Variants in GRIK1 observed in about 807,000 individuals in gnomAD.
GRIK1 encodes glutamate ionotropic receptor kainate type subunit 1.
A neutral mutation model predicts 105.7 loss-of-function variants in GRIK1; 69 were observed. That is an observed-to-expected ratio of 0.65 (90% confidence interval 0.54 to 0.80). The LOEUF (loss-of-function observed/expected upper bound fraction) is 0.80, where lower values mean the gene tolerates loss of function less well. Among genes scored for constraint, GRIK1 ranks in the 30% least tolerant of loss-of-function variants. The pLI, the probability that GRIK1 is intolerant of heterozygous loss-of-function variation, is 0.00. For missense variants in GRIK1, 1,109 were observed against 1,167.3 expected (o/e 0.95, Z 0.73); for synonymous variants, 438 against 431.3 (o/e 1.02, Z -0.19).
chr21:29,923,021 T>C (rs1350353922), intron 1 of GRIK1, among the ~76,000 whole-genome samples: 1 of 152,180 alleles, frequency 6.6e-6, no homozygotes, highest in Non-Finnish European at 1.5e-5. Context: ...TTTACACAAT[T>C]CTATGCCATT....
intron 1 of GRIK1, 88 bp downstream of exon 1, chr21:29,939,295 G>A (rs1287417033): frequency 2.1e-5 from 16 of 768,824 alleles, no homozygotes; most frequent in Non-Finnish European, 3.3e-5. Flanking sequence ...CTGCGCCGCC[G>A]CGCGCTGCCT....
intron 6 of GRIK1, among the ~76,000 whole-genome samples, chr21:29,648,858 G>A (rs1172220293): frequency 6.6e-6 from 1 of 152,180 alleles, no homozygotes; most frequent in Non-Finnish European, 1.5e-5. Context: ...CAGGGGGACA[G>A]CAAGTGCTTG....
rs961480098 is a variant in GRIK1, at chr21:29,909,289, A to G, written c.118+30094T>C. 3.3e-5 allele frequency among the ~76,000 whole-genome samples: 5 copies of G among 151,940 alleles called. No homozygotes were observed. In the South Asian group the frequency reaches 6.2e-4, roughly 19 times the overall value. Reference sequence around the variant, plus strand: ...AGAAAATCATTTTACTGGCTGCTTCATCTCATTTTTCTTTATGGCCCTATA... The same window carrying G: ...AGAAAATCATTTTACTGGCTGCTTCGTCTCATTTTTCTTTATGGCCCTATA... On this transcript the variant is annotated intron_variant, in intron 1 of 17. Transcript: ENST00000327783.
intron 7 of GRIK1, among the ~76,000 whole-genome samples, chr21:29,617,451 G>C (rs1395322616): frequency 6.6e-6 from 1 of 152,076 alleles, no homozygotes; most frequent in Non-Finnish European, 1.5e-5. Flanking sequence ...GTGTGTAGTG[G>C]GAGCTCAACA....
intron 13 of GRIK1, among the ~76,000 whole-genome samples, chr21:29,577,596 A>G (rs933458663): frequency 1.3e-5 from 2 of 152,250 alleles, no homozygotes; most frequent in African/African-American, 4.8e-5. Flanking sequence ...TTTTTATTTA[A>G]GGTTAAAGAA....
chr21:29,581,520 T>C lies in GRIK1; in HGVS notation c.1817A>G (p.Asn606Ser). 1 of 1,604,618 alleles carries C rather than the reference T, an allele frequency of 6.2e-7. No individual in the cohort carries two copies. Among genetic ancestry groups the C allele is most frequent in the Non-Finnish European group, 8.5e-7 (1 of 1,171,518 alleles). Residue 606 changes from asparagine (N) to serine (S), a missense_variant, in exon 13 of 18, where the codon AAC becomes AGC. Physicochemically the swap from Asn to Ser is conservative, Grantham distance 46 (BLOSUM62 1). This residue lies in a region of GRIK1 where 264 missense variants were observed against 306.9 expected (regional missense o/e 0.86). Transcript: ENST00000327783. The part of the protein sequence containing the change: ...IARFTPYEWY[N>S]PHPCNPDSDV... Reference sequence around the variant, plus strand: ...TGAGTCAGGGTTGCATGGGTGGGGGTTATACCACTCGTAGGGTGTAAACCT... The same window carrying C: ...TGAGTCAGGGTTGCATGGGTGGGGGCTATACCACTCGTAGGGTGTAAACCT...
At chr21:29,853,066 A>G (rs1396576944) in intron 1 of GRIK1, among the ~76,000 whole-genome samples, 1 of 152,190 alleles carries the variant, frequency 6.6e-6, no homozygotes, top group East Asian at 1.9e-4. Flanking sequence ...CTTTTATATA[A>G]AAGGAATTGT....
intron 1 of GRIK1, among the ~76,000 whole-genome samples, chr21:29,817,843 G>A (rs994789057): frequency 6.6e-6 from 1 of 152,078 alleles, no homozygotes; most frequent in Non-Finnish European, 1.5e-5. Context: ...AACCTGTTAT[G>A]TGCCCAATAT....
chr21:29,863,524 A>C (rs1250500765), intron 1 of GRIK1, among the ~76,000 whole-genome samples: 1 of 152,188 alleles, frequency 6.6e-6, no homozygotes, highest in African/African-American at 2.4e-5. Flanking sequence ...TGGCATTTAG[A>C]CACTTTAAAA....
intron 16 of GRIK1, among the ~76,000 whole-genome samples, chr21:29,543,864 C>T (rs963799166): frequency 6.6e-6 from 1 of 152,192 alleles, no homozygotes; most frequent in Non-Finnish European, 1.5e-5. Context: ...TAAACTGGCT[C>T]CCCATGGGAA....
intron 4 of GRIK1, among the ~76,000 whole-genome samples, chr21:29,668,324 A>G (rs541303459): frequency 6.6e-6 from 1 of 152,210 alleles, no homozygotes; most frequent in Non-Finnish European, 1.5e-5. Context: ...GATATAGAGA[A>G]TGAGAAGGGA....
intron 1 of GRIK1, among the ~76,000 whole-genome samples, chr21:29,728,569 T>C (rs1165948168): frequency 6.6e-6 from 1 of 152,196 alleles, no homozygotes; most frequent in Middle Eastern, 3.2e-3. Flanking sequence ...AATCATTACA[T>C]CACAGTGTGG....
chr21:29,823,271 T>C (rs560078875), intron 1 of GRIK1, among the ~76,000 whole-genome samples: 109 of 152,084 alleles, frequency 7.2e-4, no homozygotes, highest in African/African-American at 2.5e-3. Flanking sequence ...TATATACATA[T>C]AGAAGGACAG....
chr21:29,598,560 G>T (rs1347302525), intron 8 of GRIK1, among the ~76,000 whole-genome samples: 1 of 152,096 alleles, frequency 6.6e-6, no homozygotes, highest in East Asian at 1.9e-4. Flanking sequence ...CAACTCTAGG[G>T]TTATATATGT....
chr21:29,570,501 C>CA (rs34538814), intron 14 of GRIK1, among the ~76,000 whole-genome samples: 3,459 of 126,172 alleles, frequency 0.027, 105 homozygotes, highest in African/African-American at 0.087. Flanking sequence ...GACTCCATCT[C>CA]AAAAAAAAAA....
intron 1 of GRIK1, among the ~76,000 whole-genome samples, chr21:29,902,530 A>G (rs1386668870): frequency 6.6e-6 from 1 of 152,176 alleles, no homozygotes; most frequent in Non-Finnish European, 1.5e-5. Flanking sequence ...TCATGAGTGA[A>G]CTCTCATTCA....
At chr21:29,588,358 T>C (rs569240812) in intron 11 of GRIK1, among the ~76,000 whole-genome samples, 1 of 152,274 alleles carries the variant, frequency 6.6e-6, no homozygotes, top group East Asian at 1.9e-4. Context: ...ATAATCCCCA[T>C]GTGTCAAGGG....
At chr21:29,767,442 G>T (rs890742518) in intron 1 of GRIK1, among the ~76,000 whole-genome samples, 1 of 151,422 alleles carries the variant, frequency 6.6e-6, no homozygotes, top group Non-Finnish European at 1.5e-5. Flanking sequence ...ACAATTAAGA[G>T]AATACAACCT....
intron 1 of GRIK1, among the ~76,000 whole-genome samples, chr21:29,900,535 A>C (rs1242701265): frequency 6.6e-6 from 1 of 152,078 alleles, no homozygotes; most frequent in Non-Finnish European, 1.5e-5. Context: ...ACAAAGATCA[A>C]AAGAGACAAG....
Sources: gnomAD v4.1 joint callset for allele counts (sites outside exome capture counted in the v4.1 genomes callset) on GRCh38, gnomAD v4.1.1 for gene constraint, gnomAD v4.1.1 regional missense constraint, MANE v1.5 for transcripts, NCBI Gene and HGNC (gene_info 2026-07-23, HGNC 2026-07-21) for gene names.